Variants in IRF8 observed in about 807,000 individuals in gnomAD.
IRF8 encodes interferon regulatory factor 8.
A neutral mutation model predicts 48.7 loss-of-function variants in IRF8; 14 were observed. That is an observed-to-expected ratio of 0.29 (90% CI 0.19 to 0.45). IRF8 has a LOEUF of 0.45. IRF8 is among the 20% of genes least tolerant of loss of function. The pLI, the probability that IRF8 is intolerant of heterozygous loss-of-function variation, is 1.00. For missense variants in IRF8, 493 were observed against 580.7 expected (o/e 0.85, Z 1.55); for synonymous variants, 278 against 227.3 (o/e 1.22, Z -2.01).
At chr16:85,914,005 G>C (rs530918645) in intron 5 of IRF8, 1 of 202,810 alleles carries the variant, frequency 4.9e-6, no homozygotes, top group East Asian at 1.3e-4. Context: ...AGCTGGCCCC[G>C]GAGGCCTTGA....
Position 85,920,201 on chromosome 16 carries a change from C to T in IRF8, c.1081C>T (p.Arg361Cys), listed in dbSNP as rs771773479. The part of the protein sequence containing the change: ...GEEFPDMAPL[R>C]SKLILVQIEQ... Reference sequence around the variant, plus strand: ...AGAGTTTCCGGATATGGCCCCCTTGCGCTCCAAACTCATTCTCGTGCAGGT... The same window carrying T: ...AGAGTTTCCGGATATGGCCCCCTTGTGCTCCAAACTCATTCTCGTGCAGGT... The change falls in exon 8 of 9, where the codon CGC becomes TGC. Residue 361 changes from arginine to cysteine, a missense_variant. Physicochemically the swap from Arg to Cys is radical, Grantham distance 180 (BLOSUM62 -3). Transcript: ENST00000268638. 7.1e-6 allele frequency: 11 copies of T among 1,549,474 alleles called. No homozygotes were observed. The highest frequency in any genetic ancestry group is 5.5e-5 in the African/African-American group (4 of 72,726).
intron 5 of IRF8, 40 bp downstream of exon 5, chr16:85,913,276 T>C: frequency 7.0e-7 from 1 of 1,427,948 alleles, no homozygotes. Context: ...AGGCATGGCC[T>C]GAAGGGTTTA....
chr16:85,915,290 T>A (rs1356319697), intron 6 of IRF8, among the ~76,000 whole-genome samples: 3 of 152,190 alleles, frequency 2.0e-5, no homozygotes, highest in Non-Finnish European at 4.4e-5. Context: ...TCTTCCAGCA[T>A]TGGCTGGTTC....
rs779265191 is a variant in IRF8 at position 85,913,254 on chromosome 16, A to G, written c.553+18A>G. 7.0e-6 allele frequency: 11 copies of G among 1,566,478 alleles called. No homozygotes were observed. Among genetic ancestry groups the G allele is most frequent in the South Asian group, 1.1e-5 (1 of 90,150 alleles). On this transcript the variant is annotated intron_variant, in intron 5 of 8. Coordinates refer to ENST00000268638, the MANE Select transcript of IRF8 (RefSeq NM_002163.4). The stretch of plus-strand genomic sequence containing the variant: ...CAGCACAGGTGAGGGTGGGTGGCCT[A>G]GAATTGTCACCAGGCATGGCCTGAA...
chr16:85,901,607 G>A (rs1904828770), intron 1 of IRF8, among the ~76,000 whole-genome samples: 2 of 152,120 alleles, frequency 1.3e-5, no homozygotes, highest in Non-Finnish European at 2.9e-5. Context: ...GACAGAGCAA[G>A]ACCCTGTCTC....
At chr16:85,902,719 A>G in intron 1 of IRF8, 1 of 445,308 alleles carries the variant, frequency 2.2e-6, no homozygotes, top group South Asian at 2.1e-5. Context: ...GCCTGAAAGG[A>G]AAGGGCAGAT....
intron 6 of IRF8, among the ~76,000 whole-genome samples, chr16:85,916,048 T>A (rs1905294856): frequency 6.6e-6 from 1 of 152,156 alleles, no homozygotes; most frequent in Non-Finnish European, 1.5e-5. Flanking sequence ...GCACCTGATA[T>A]GAGCTGTGTA....
intron 1 of IRF8, among the ~76,000 whole-genome samples, chr16:85,900,019 A>G (rs1197012813): frequency 6.6e-6 from 1 of 152,352 alleles, no homozygotes; most frequent in African/African-American, 2.4e-5. Context: ...ACTGGTAGTT[A>G]AAATGACAGT....
intron 2 of IRF8, among the ~76,000 whole-genome samples, chr16:85,906,306 A>C (rs1262912929): frequency 6.6e-6 from 1 of 152,176 alleles, no homozygotes; most frequent in Non-Finnish European, 1.5e-5. Flanking sequence ...GTTATGGTGG[A>C]GGCTGAATGA....
chr16:85,915,677 G>A (rs1905281199), intron 6 of IRF8, among the ~76,000 whole-genome samples: 1 of 152,230 alleles, frequency 6.6e-6, no homozygotes, highest in Non-Finnish European at 1.5e-5. Context: ...CTCAGTTCTG[G>A]GAGGCCTGGG....
In IRF8 at chr16:85,921,298, G is replaced by A. The variant is rs751125215; in HGVS notation, c.*16G>A. ...CACCGTCTAAGTGCGTCGCTTGGGC[G>A]CCCCACCCCGTCTGCGTCCTGCATC... On this transcript the variant is annotated 3_prime_UTR_variant, in exon 9 of 9. Coordinates refer to ENST00000268638, the MANE Select transcript of IRF8 (RefSeq NM_002163.4). The A allele has an allele frequency of 1.2e-5, 20 of 1,611,904 alleles. No homozygotes were observed. Among genetic ancestry groups the A allele is most frequent in the Admixed American group, 5.0e-5 (3 of 60,010 alleles).
intron 2 of IRF8, among the ~76,000 whole-genome samples, chr16:85,905,931 A>G (rs1904986934): frequency 1.3e-5 from 2 of 152,256 alleles, no homozygotes; most frequent in South Asian, 4.1e-4. Flanking sequence ...CTCATGGTAT[A>G]GATCACAGAA....
At chr16:85,915,117 G>GGAGCCCTGGTCAC (rs34471810) in intron 6 of IRF8, among the ~76,000 whole-genome samples, 52,803 of 151,990 alleles carry the variant, frequency 0.35, 9,564 homozygotes, top group Middle Eastern at 0.49. Context: ...CGCGGGCTCA[G>GGAGCCCTGGTCAC]GTAGCTTGTG....
In IRF8 at chr16:85,921,721, G is replaced by T; in HGVS notation, c.*439G>T. The T allele has an allele frequency of 1.8e-5, 4 of 216,998 alleles. No homozygotes were observed. Among genetic ancestry groups the T allele is most frequent in the South Asian group, 6.9e-5 (1 of 14,540 alleles). The allele number at this position is 216,998 out of a possible 1,614,324, so 13.4% of individuals were successfully genotyped here. ...TCGTTTGTTAGAGTTATAGATTTAT[G>T]ATTTCATAGGCTTGATTCTATGTGA... On this transcript the variant is annotated 3_prime_UTR_variant, in exon 9 of 9. Transcript: ENST00000268638.
intron 3 of IRF8, 73 bp downstream of exon 3, chr16:85,909,246 T>C (rs1385564320): frequency 1.3e-5 from 17 of 1,283,102 alleles, no homozygotes; most frequent in Non-Finnish European, 1.6e-5. Flanking sequence ...AGAACTTGGG[T>C]CTGGGGTAGA....
chr16:85,901,565 C>G (rs973282095), intron 1 of IRF8, among the ~76,000 whole-genome samples: 2 of 152,172 alleles, frequency 1.3e-5, no homozygotes, highest in Non-Finnish European at 2.9e-5. Context: ...CTGCCGCGAG[C>G]TATGATGGCA....
Position 85,920,239 on chromosome 16 carries a change from CTTTTTTTTT to C in IRF8, c.1104+32_1104+40del. On this transcript the variant is annotated intron_variant, in intron 8 of 8. Transcript: ENST00000268638. ...TTCTCGTGCAGGTAAGTATGGGCAG[CTTTTTTTTT>C]TTTTTTTTTTTTTTTTGAGATGGAG... is the stretch of plus-strand genomic sequence containing the variant. 3.5e-5 allele frequency: 17 copies of C among 485,948 alleles called. No individual in the cohort carries two copies. The highest frequency in any genetic ancestry group is 1.7e-4 in the East Asian group (3 of 18,004). 30.1% of individuals were successfully genotyped at this position (485,948 alleles called of 1,614,324 possible).
rs766477043 is a variant in IRF8, at chr16:85,918,510, G to A, written c.695G>A (p.Ser232Asn). 3 of 1,595,530 alleles carry A rather than the reference G, an allele frequency of 1.9e-6. No homozygotes were observed. Among genetic ancestry groups the A allele is most frequent in the Non-Finnish European group, 2.6e-6 (3 of 1,175,402 alleles). ...CCCGAGGGCTGCCGCCTGTCCCTGA[G>A]CCAGCCTGGGCTGCCCGGCACCAAG... ...TCPEGCRLSL[S>N]QPGLPGTKLY... Residue 232 changes from serine to asparagine, a missense_variant, in exon 7 of 9, where the codon AGC (serine) becomes AAC (asparagine). By Grantham distance (46) the Ser-to-Asn change is conservative (BLOSUM62 1). Coordinates refer to ENST00000268638, the MANE Select transcript of IRF8 (RefSeq NM_002163.4).
intron 3 of IRF8, among the ~76,000 whole-genome samples, chr16:85,910,148 G>A (rs978330926): frequency 1.3e-5 from 2 of 152,230 alleles, no homozygotes; most frequent in South Asian, 2.1e-4. Context: ...AGAGAGTTGT[G>A]TAATCGTCAT....
Sources: gnomAD v4.1 joint callset for allele counts (sites outside exome capture counted in the v4.1 genomes callset) on GRCh38, gnomAD v4.1.1 for gene constraint, MANE v1.5 for transcripts, NCBI Gene and HGNC (gene_info 2026-07-23, HGNC 2026-07-21) for gene names.